Variants in USP9X observed in about 807,000 individuals in gnomAD.
USP9X encodes the protein ubiquitin carboxyl-terminal hydrolase 9X.
A neutral mutation model predicts 190.3 loss-of-function variants in USP9X; 7 were observed. The ratio of observed to expected loss-of-function variants is 0.04; its 90% CI spans 0.02 to 0.07. The LOEUF is 0.07. Among genes scored for constraint, USP9X ranks in the 10% least tolerant of loss-of-function variants. The pLI is 1.00. For synonymous variants in USP9X, 645 were observed against 659.5 expected (o/e 0.98, Z 0.34); for missense variants, 1,010 against 1,916.9 (o/e 0.53, Z 8.83).
At chrX:41,162,280 G>A (rs1244410153) in intron 14 of USP9X, among the ~76,000 whole-genome samples, 1 of 112,216 alleles carries the variant, frequency 8.9e-6, no homozygotes, top group African/African-American at 3.2e-5. Flanking sequence ...ACACATTCTG[G>A]ACATTAACAT....
At chrX:41,172,509 T>G (rs1374686031) in intron 21 of USP9X, among the ~76,000 whole-genome samples, 1 of 112,120 alleles carries the variant, frequency 8.9e-6, no homozygotes, top group Non-Finnish European at 1.9e-5. Flanking sequence ...ATACAGCTAT[T>G]TCTTTGTTAC....
At position 41,235,487 on chromosome X, in the gene USP9X, A is replaced by G. The variant is rs1186327114; in HGVS notation, c.*2963A>G. The G allele has an allele frequency of 8.9e-6, 1 of 112,941 alleles. No homozygotes were observed. The highest frequency in any genetic ancestry group is 1.9e-5 in the Non-Finnish European group (1 of 53,341). The allele number at this position is 112,941 out of a possible 1,213,427, so 9.3% of individuals were successfully genotyped here. A position where few individuals can be genotyped will look rare whatever the true frequency, so the allele number is the denominator to read the frequency against. On this transcript the variant is annotated 3_prime_UTR_variant, in exon 45 of 45. Transcript: ENST00000378308. The stretch of plus-strand genomic sequence containing the variant: ...TTCCTTTGAAAGAAACAGCCCCCAG[A>G]ATTCTAAATGACACGATTATAGAAG...
chrX:41,215,812 A>G, intron 34 of USP9X, 87 bp from the exon 35 acceptor site: 1 of 963,029 alleles, frequency 1.0e-6, no homozygotes, highest in South Asian at 2.5e-5. Flanking sequence ...ATAAGTCTTA[A>G]TATCATTTAA....
At chrX:41,108,298 C>T (rs1380896006) in intron 1 of USP9X, among the ~76,000 whole-genome samples, 1 of 111,641 alleles carries the variant, frequency 9.0e-6, no homozygotes, top group Non-Finnish European at 1.9e-5. Context: ...GTGTTGGTAT[C>T]ACATGCACAT....
rs1450462883 is a variant in USP9X at position 41,216,542 on chromosome X, G to T, written c.5975G>T (p.Arg1992Leu). The change falls in exon 35 of 45, where the codon CGG (arginine) becomes CTG (leucine). Residue 1992 changes from arginine to leucine, a missense_variant. Arg to Leu is a moderately radical substitution (Grantham distance 102). Transcript: ENST00000378308. ...CCATCAGCCATTGAGAGAAGTGTACGGAAACAGAACGTACAATTCATGCAT... is the reference window on the plus strand; with the variant it reads ...CCATCAGCCATTGAGAGAAGTGTACTGAAACAGAACGTACAATTCATGCAT... ...IMPSAIERSVRKQNVQFMHNR... is the reference protein window; with the variant it reads ...IMPSAIERSVLKQNVQFMHNR... The T allele has an allele frequency of 8.3e-7, 1 of 1,211,281 alleles. No homozygotes were observed.
intron 26 of USP9X, among the ~76,000 whole-genome samples, chrX:41,193,137 G>A (rs1247946070): frequency 1.8e-5 from 2 of 110,932 alleles, no homozygotes; most frequent in East Asian, 5.7e-4. Context: ...GAACAGAGGC[G>A]GTAGGGGACG....
chrX:41,186,691 CTTATT>C (rs1263637103), intron 24 of USP9X, 49 bp downstream of exon 24: 14 of 1,179,222 alleles, frequency 1.2e-5, no homozygotes, highest in Non-Finnish European at 1.6e-5. Flanking sequence ...CCTAGGCCCA[CTTATT>C]TTAATCACTG....
chrX:41,229,919 G>A lies in USP9X; in HGVS notation c.7431+140G>A, dbSNP rs775291207. On this transcript the variant is annotated intron_variant, in intron 43 of 44. Transcript: ENST00000378308. ...TTTGGGTTTTGAAAAATGTTTATTC[G>A]GCTGGGCATGGTGGCTCACGCCTGT... 4.3e-5 allele frequency: 45 copies of A among 1,051,718 alleles called. No individual in the cohort carries two copies. In the African/African-American group the frequency reaches 6.8e-4, roughly 16 times the overall value. The allele number at this position is 1,051,718 out of a possible 1,213,427, so 86.7% of individuals were successfully genotyped here.
chrX:41,229,954 A>C (rs1176704722), intron 43 of USP9X, 175 bp downstream of exon 43: 1 of 861,013 alleles, frequency 1.2e-6, no homozygotes, highest in Non-Finnish European at 1.6e-6. Flanking sequence ...TAATCCCAAC[A>C]CTTTGGGAGG....
intron 1 of USP9X, among the ~76,000 whole-genome samples, chrX:41,092,379 G>A (rs190208250): frequency 7.7e-4 from 86 of 111,233 alleles, no homozygotes; most frequent in African/African-American, 2.7e-3. Context: ...AAGTAAGGCC[G>A]CTCATTATTA....
rs759623425 is a variant in USP9X at position 41,161,635 on chromosome X, CT to C, written c.1898-1132del. Among the ~76,000 whole-genome samples, 54 of 47,406 alleles carry C rather than the reference CT, an allele frequency of 1.1e-3. 1 individual carries two copies. The highest frequency in any genetic ancestry group is 0.02 in the Middle Eastern group (1 of 50). 41.2% of individuals were successfully genotyped at this position (47,406 alleles called of 115,157 possible). On this transcript the variant is annotated intron_variant, in intron 14 of 44. Transcript: ENST00000378308. ...ACAGGCGTGAGCCATGGCGCCCTGC[CT>C]TTTTTTTTTTTTTTTTTTTTTTAAA...
chrX:41,106,522 A>ATTTTTT (rs35038623), intron 1 of USP9X, among the ~76,000 whole-genome samples: 9 of 58,789 alleles, frequency 1.5e-4, no homozygotes, highest in African/African-American at 2.1e-4. Flanking sequence ...TTCTGAATTA[A>ATTTTTT]TTTTTTTTTT....
intron 1 of USP9X, among the ~76,000 whole-genome samples, chrX:41,111,378 T>A (rs1403505483): frequency 8.9e-6 from 1 of 112,060 alleles, no homozygotes; most frequent in Non-Finnish European, 1.9e-5. Context: ...TGTTAAGTGT[T>A]ACTTGAGCCA....
intron 15 of USP9X, among the ~76,000 whole-genome samples, chrX:41,164,795 T>C (rs769054619): frequency 1.3e-4 from 15 of 112,103 alleles, no homozygotes; most frequent in East Asian, 5.6e-4. Flanking sequence ...CTAGGTCTCT[T>C]TTACTTAAGT....
intron 36 of USP9X, 113 bp downstream of exon 36, chrX:41,217,456 GAATA>G (rs1261121193): frequency 1.2e-6 from 1 of 864,151 alleles, no homozygotes; most frequent in African/African-American, 2.1e-5. Context: ...TTGGAATATA[GAATA>G]AAAACTCTGG....
At chrX:41,147,298 T>C (rs1351833986) in intron 11 of USP9X, among the ~76,000 whole-genome samples, 4 of 110,667 alleles carry the variant, frequency 3.6e-5, no homozygotes, top group African/African-American at 1.3e-4. Context: ...TGTAATCTGA[T>C]ATTTTAGTCT....
At chrX:41,204,690 A>C (rs1376557079) in intron 31 of USP9X, among the ~76,000 whole-genome samples, 1 of 111,652 alleles carries the variant, frequency 9.0e-6, no homozygotes, top group African/African-American at 3.3e-5. Flanking sequence ...AGATGCACAG[A>C]TTCACCGTTG....
intron 33 of USP9X, 97 bp downstream of exon 33, chrX:41,210,779 A>G: frequency 1.2e-6 from 1 of 818,779 alleles, no homozygotes; most frequent in Non-Finnish European, 1.7e-6. Flanking sequence ...AGTGGAGTAT[A>G]TCACTGATTA....
intron 28 of USP9X, 33 bp from the exon 29 acceptor site, chrX:41,197,331 T>TCCCGC: frequency 2.1e-6 from 1 of 486,767 alleles, no homozygotes; most frequent in Non-Finnish European, 2.9e-6. Context: ...TTTGATTTCT[T>TCCCGC]CCCCCCCCCA....
Sources: gnomAD v4.1 joint callset for allele counts (sites outside exome capture counted in the v4.1 genomes callset) on GRCh38, gnomAD v4.1.1 for gene constraint, MANE v1.5 for transcripts, NCBI Gene and HGNC (gene_info 2026-07-23, HGNC 2026-07-21) for gene names.